The following ELMO1 variants were observed in gnomAD, a reference collection of about 807,000 sequenced individuals.
ELMO1 encodes engulfment and cell motility 1, also known as engulfment and cell motility protein 1.
ELMO1 carries 26 observed loss-of-function variants against 98.9 expected under a neutral mutation model. The ratio of observed to expected loss-of-function variants is 0.26; its 90% CI spans 0.19 to 0.36. ELMO1 has a LOEUF of 0.36. ELMO1 is among the 10% of genes least tolerant of loss of function. ELMO1 has a pLI of 1.00. For synonymous variants in ELMO1, 346 were observed against 346.0 expected (o/e 1.00, Z 0.00); for missense variants, 627 against 935.2 (o/e 0.67, Z 4.30).
intron 5 of ELMO1, chr7:37,269,430 CTTTTTTTTTTTTT>C (rs35437017): frequency 9.9e-6 from 1 of 100,964 alleles, no homozygotes; most frequent in African/African-American, 3.8e-5. Context: ...GGGCTCCTAT[CTTTTTTTTTTTTT>C]TTTTTTTTTT....
intron 15 of ELMO1, among the ~76,000 whole-genome samples, chr7:37,055,536 A>T (rs1450798641): frequency 6.6e-6 from 1 of 152,190 alleles, no homozygotes. Flanking sequence ...CCCAAGAGCC[A>T]ATGAAATGTG....
chr7:37,061,581 A>C (rs562528286), intron 15 of ELMO1, among the ~76,000 whole-genome samples: 2 of 152,140 alleles, frequency 1.3e-5, no homozygotes, highest in African/African-American at 4.8e-5. Context: ...GGACTAGTGG[A>C]GAAGAGTGAT....
At chr7:37,206,572 C>T (rs562509806) in intron 13 of ELMO1, among the ~76,000 whole-genome samples, 1 of 152,242 alleles carries the variant, frequency 6.6e-6, no homozygotes, top group African/African-American at 2.4e-5. Flanking sequence ...TGACACCAAC[C>T]CCTGCATATG....
At chr7:37,208,304 A>T (rs1430807947) in intron 13 of ELMO1, among the ~76,000 whole-genome samples, 2 of 152,218 alleles carry the variant, frequency 1.3e-5, no homozygotes, top group East Asian at 3.8e-4. Flanking sequence ...AGGTTAAATG[A>T]CTGAACCACT....
intron 16 of ELMO1, among the ~76,000 whole-genome samples, chr7:36,985,343 A>G (rs1304001610): frequency 2.0e-5 from 3 of 152,110 alleles, no homozygotes; most frequent in South Asian, 2.1e-4. Context: ...ATTAAAAAAC[A>G]TATTTCAATT....
intron 14 of ELMO1, among the ~76,000 whole-genome samples, chr7:37,120,837 T>A (rs1016406298): frequency 7.2e-5 from 11 of 152,124 alleles, no homozygotes; most frequent in African/African-American, 2.4e-4. Flanking sequence ...CTCAAGTGGG[T>A]CCCTGACCCC....
intron 4 of ELMO1, among the ~76,000 whole-genome samples, chr7:37,276,646 A>G (rs910209234): frequency 1.3e-5 from 2 of 152,172 alleles, no homozygotes; most frequent in African/African-American, 4.8e-5. Context: ...TAAAAAGCAC[A>G]CTGCTAGACC....
intron 5 of ELMO1, among the ~76,000 whole-genome samples, chr7:37,266,303 C>T (rs73690180): frequency 0.031 from 4,762 of 152,112 alleles, 245 homozygotes; most frequent in African/African-American, 0.11. Context: ...TAAGAATCTC[C>T]GATAACCTGA....
chr7:36,957,713 C>T (rs1222293071), intron 16 of ELMO1, among the ~76,000 whole-genome samples: 1 of 152,176 alleles, frequency 6.6e-6, no homozygotes, highest in Non-Finnish European at 1.5e-5. Context: ...CTCTAGTATG[C>T]CCATTCTGTG....
chr7:37,115,180 A>T (rs1455750262), intron 14 of ELMO1, among the ~76,000 whole-genome samples: 1 of 152,242 alleles, frequency 6.6e-6, no homozygotes, highest in African/African-American at 2.4e-5. Context: ...TTTAAACAAG[A>T]AAATGATACC....
intron 4 of ELMO1, among the ~76,000 whole-genome samples, chr7:37,308,140 A>T (rs1583511663): frequency 6.6e-6 from 1 of 152,134 alleles, no homozygotes; most frequent in African/African-American, 2.4e-5. Flanking sequence ...ATTAATTAAA[A>T]AATAAAACAC....
chr7:37,430,101 C>T (rs1228921213), intron 1 of ELMO1, among the ~76,000 whole-genome samples: 1 of 152,168 alleles, frequency 6.6e-6, no homozygotes. Flanking sequence ...GCACAGACAA[C>T]AGTTAGGTTC....
At chr7:36,893,205 T>C (rs764393032) in intron 17 of ELMO1, among the ~76,000 whole-genome samples, 7 of 152,354 alleles carry the variant, frequency 4.6e-5, no homozygotes, top group Admixed American at 1.3e-4. Context: ...CCTACGTTTA[T>C]ACATCTGCTG....
intron 19 of ELMO1, among the ~76,000 whole-genome samples, chr7:36,873,991 T>A (rs1256816832): frequency 6.6e-6 from 1 of 152,100 alleles, no homozygotes; most frequent in Non-Finnish European, 1.5e-5. Flanking sequence ...TACAGGCTCA[T>A]CCCAGGATAG....
intron 16 of ELMO1, among the ~76,000 whole-genome samples, chr7:36,957,148 C>T (rs1307827618): frequency 6.6e-6 from 1 of 152,230 alleles, no homozygotes; most frequent in Non-Finnish European, 1.5e-5. Flanking sequence ...ATTCAACCAA[C>T]TTAGTAATTC....
At chr7:37,431,968 G>A (rs528756832) in intron 1 of ELMO1, among the ~76,000 whole-genome samples, 42 of 152,238 alleles carry the variant, frequency 2.8e-4, no homozygotes, top group African/African-American at 9.6e-4. Context: ...CACAGCCTCC[G>A]TCTCTCAGCC....
chr7:36,935,462 CT>C (rs1786446601), intron 16 of ELMO1, among the ~76,000 whole-genome samples: 1 of 152,158 alleles, frequency 6.6e-6, no homozygotes, highest in South Asian at 2.1e-4. Flanking sequence ...GAGAGCAGCT[CT>C]GTTTTTTGTT....
chr7:36,855,313 G>T lies in ELMO1; in HGVS notation c.*238C>A. The T allele has an allele frequency of 1.8e-6, 1 of 550,532 alleles. No individual in the cohort carries two copies. Among genetic ancestry groups the T allele is most frequent in the Non-Finnish European group, 3.3e-6 (1 of 306,888 alleles). 34.1% of individuals were successfully genotyped at this position (550,532 alleles called of 1,614,324 possible). ...GGGCTTTGCTCTTGTCCCACCAGTG[G>T]ACTGCAGCCATGGGAAGTGACCTGA... On this transcript the variant is annotated 3_prime_UTR_variant, in exon 22 of 22. Transcript: ENST00000310758. The surrounding 1 kb of genome is among the most constrained non-coding windows in gnomAD (Gnocchi z 4.2).
chr7:37,264,414 G>C (rs1796142472), intron 5 of ELMO1, among the ~76,000 whole-genome samples: 1 of 152,076 alleles, frequency 6.6e-6, no homozygotes, highest in Non-Finnish European at 1.5e-5. Flanking sequence ...GTGACCTGTG[G>C]TTATTTATGA....
Sources: allele counts gnomAD v4.1 joint callset (sites outside exome capture counted in the v4.1 genomes callset), GRCh38; gene constraint gnomAD v4.1.1; non-coding constraint Gnocchi (gnomAD v3.1); transcripts MANE v1.5; gene names NCBI Gene and HGNC (gene_info 2026-07-23, HGNC 2026-07-21).